Variants in MCTP1 observed in about 807,000 individuals in gnomAD.
MCTP1 encodes multiple C2 and transmembrane domain-containing protein 1.
In MCTP1, 69 loss-of-function variants were observed where a neutral mutation model predicts 120.6. That is an observed-to-expected ratio of 0.57 (90% CI 0.47 to 0.70). The LOEUF (loss-of-function observed/expected upper bound fraction) is 0.70. Among genes scored for constraint, MCTP1 ranks in the 30% least tolerant of loss-of-function variants. MCTP1 has a pLI of 0.00. For synonymous variants in MCTP1, 529 were observed against 493.1 expected (o/e 1.07, Z -0.96); for missense variants, 1,203 against 1,248.8 (o/e 0.96, Z 0.55).
chr5:94,939,207 G>A (rs1430774972), intron 5 of MCTP1, among the ~76,000 whole-genome samples: 1 of 151,952 alleles, frequency 6.6e-6, no homozygotes, highest in Admixed American at 6.6e-5. Flanking sequence ...GCAGTCTAGG[G>A]GAAAACGCCA....
chr5:94,909,576 A>G (rs1291464146), intron 9 of MCTP1, among the ~76,000 whole-genome samples, 195 bp from the exon 10 acceptor site: 1 of 152,070 alleles, frequency 6.6e-6, no homozygotes, highest in African/African-American at 2.4e-5. Context: ...ACATGAATGG[A>G]CCTCAATGGA....
intron 1 of MCTP1, among the ~76,000 whole-genome samples, chr5:95,269,359 A>C (rs73142059): frequency 5.9e-4 from 90 of 152,358 alleles, no homozygotes; most frequent in African/African-American, 2.1e-3. Flanking sequence ...TCCTAGACTA[A>C]ATATGGAATG....
At chr5:94,920,303 T>A (rs2153457322) in intron 7 of MCTP1, among the ~76,000 whole-genome samples, 1 of 148,710 alleles carries the variant, frequency 6.7e-6, no homozygotes, top group South Asian at 2.1e-4. Context: ...GACTGTTAAT[T>A]AAAAGTTACA....
chr5:94,992,163 A>G (rs1001891024), intron 2 of MCTP1, among the ~76,000 whole-genome samples: 6 of 152,176 alleles, frequency 3.9e-5, no homozygotes, highest in Admixed American at 1.3e-4. Context: ...GCCAGAGCCC[A>G]TTGGAATATA....
intron 1 of MCTP1, among the ~76,000 whole-genome samples, chr5:95,094,940 TG>T (rs1756114305): frequency 1.3e-5 from 2 of 151,788 alleles, no homozygotes; most frequent in South Asian, 2.1e-4. Context: ...GCACATTTTT[TG>T]TTTTGCTTCC....
intron 19 of MCTP1, among the ~76,000 whole-genome samples, chr5:94,759,668 A>G (rs912543038): frequency 7.9e-5 from 12 of 152,250 alleles, no homozygotes; most frequent in Middle Eastern, 3.4e-3. Flanking sequence ...TCTGATTATG[A>G]AAGAGAAACA....
chr5:94,723,698 T>C (rs950204855), intron 19 of MCTP1, among the ~76,000 whole-genome samples: 3 of 152,322 alleles, frequency 2.0e-5, no homozygotes, highest in Non-Finnish European at 2.9e-5. Context: ...AGTTGTGCTT[T>C]ACCTTGTTGG....
chr5:94,883,491 C>T (rs968259543), intron 12 of MCTP1, among the ~76,000 whole-genome samples: 1 of 152,152 alleles, frequency 6.6e-6, no homozygotes, highest in Non-Finnish European at 1.5e-5. Flanking sequence ...AGTTAAGAAA[C>T]TATGACTATT....
intron 11 of MCTP1, among the ~76,000 whole-genome samples, chr5:94,890,354 A>C (rs1383285910): frequency 5.9e-5 from 9 of 152,172 alleles, no homozygotes; most frequent in Admixed American, 4.6e-4. Context: ...CACTCTTCAG[A>C]CTTTGGGGAT....
chr5:95,230,194 G>A (rs953117222), intron 1 of MCTP1, among the ~76,000 whole-genome samples: 9 of 111,088 alleles, frequency 8.1e-5, no homozygotes, highest in South Asian at 2.7e-4. Context: ...ATGTGTGTGT[G>A]TATATATATA....
In MCTP1 at chr5:94,715,379, A is replaced by C. The variant is rs556883314; in HGVS notation, c.2611-493T>G. Among the ~76,000 whole-genome samples the C allele has an allele frequency of 3.5e-3, 534 of 150,774 alleles. 6 individuals are homozygous for C. Among genetic ancestry groups the C allele is most frequent in the African/African-American group, 8.5e-3 (350 of 41,084 alleles). On this transcript the variant is annotated intron_variant, in intron 19 of 22. Transcript: ENST00000515393. Reference sequence around the variant, plus strand: ...TGAAAACTACAAAAAAAAAAAAAAAAAAAAAAAAAACACCACCACCAAAAC... The same window carrying C: ...TGAAAACTACAAAAAAAAAAAAAAACAAAAAAAAAACACCACCACCAAAAC...
intron 18 of MCTP1, among the ~76,000 whole-genome samples, chr5:94,780,047 T>G (rs2152939986): frequency 6.6e-6 from 1 of 152,208 alleles, no homozygotes; most frequent in Admixed American, 6.5e-5. Flanking sequence ...CACAGAAACC[T>G]ACAGTTTAAA....
rs184905769 is a variant in MCTP1, at chr5:95,201,565, T to C, written c.720+82291A>G. ...TGTTGCCCAGGCTGGAGCACATTGGTGCTATCTTGGCTCACTGCAGCCTCT... is the reference window on the plus strand; with the variant it reads ...TGTTGCCCAGGCTGGAGCACATTGGCGCTATCTTGGCTCACTGCAGCCTCT... On this transcript the variant is annotated intron_variant, in intron 1 of 22. Coordinates refer to ENST00000515393, the MANE Select transcript of MCTP1 (RefSeq NM_024717.7). 8.2e-3 allele frequency among the ~76,000 whole-genome samples: 1,030 copies of C among 125,770 alleles called. 13 individuals are homozygous for C. The highest frequency in any genetic ancestry group is 0.028 in the South Asian group (97 of 3,524). The allele number at this position is 125,770 out of a possible 152,430, so 82.5% of individuals were successfully genotyped here. A position where few individuals can be genotyped will look rare whatever the true frequency, so the allele number is the denominator to read the frequency against.
At chr5:95,161,876 A>T (rs1745780494) in intron 1 of MCTP1, among the ~76,000 whole-genome samples, 1 of 152,144 alleles carries the variant, frequency 6.6e-6, no homozygotes, top group Non-Finnish European at 1.5e-5. Flanking sequence ...CTATACTCCT[A>T]TTTAAAGAGA....
intron 6 of MCTP1, among the ~76,000 whole-genome samples, chr5:94,926,404 C>T (rs377642561): frequency 2.0e-5 from 3 of 151,400 alleles, no homozygotes; most frequent in South Asian, 4.2e-4. Context: ...AATACACAAA[C>T]AAATCATGTA....
At chr5:94,817,841 T>C (rs1188951780) in intron 17 of MCTP1, among the ~76,000 whole-genome samples, 1 of 152,236 alleles carries the variant, frequency 6.6e-6, no homozygotes, top group East Asian at 1.9e-4. Context: ...GATTGGGCTC[T>C]CTTGTTCTTC....
chr5:95,097,052 T>C (rs1458933545), intron 1 of MCTP1, among the ~76,000 whole-genome samples: 1 of 152,164 alleles, frequency 6.6e-6, no homozygotes, highest in Non-Finnish European at 1.5e-5. Context: ...ATCAATATTT[T>C]TTATAACTTT....
intron 1 of MCTP1, among the ~76,000 whole-genome samples, chr5:95,101,358 A>G (rs1427474436): frequency 6.6e-6 from 1 of 152,258 alleles, no homozygotes; most frequent in African/African-American, 2.4e-5. Flanking sequence ...GAGATACAGA[A>G]TAACATACAG....
intron 1 of MCTP1, among the ~76,000 whole-genome samples, chr5:95,159,836 G>A (rs957385857): frequency 1.3e-5 from 2 of 152,092 alleles, no homozygotes; most frequent in African/African-American, 4.8e-5. Flanking sequence ...AGTGATCATA[G>A]AGATCTTCTC....
Sources: gnomAD v4.1 joint callset for allele counts (sites outside exome capture counted in the v4.1 genomes callset) on GRCh38, gnomAD v4.1.1 for gene constraint, MANE v1.5 for transcripts, NCBI Gene and HGNC (gene_info 2026-07-23, HGNC 2026-07-21) for gene names.